Variants in NEMF observed in about 807,000 individuals in gnomAD.
NEMF encodes the protein ribosome quality control complex subunit NEMF.
A neutral mutation model predicts 162.2 loss-of-function variants in NEMF; 89 were observed. The ratio of observed to expected loss-of-function variants is 0.55; its 90% CI spans 0.46 to 0.65. The LOEUF (loss-of-function observed/expected upper bound fraction) is 0.65. NEMF is among the 30% of genes least tolerant of loss of function. The pLI, the probability that NEMF is intolerant of heterozygous loss-of-function variation, is 0.00. For missense variants in NEMF, 1,133 were observed against 1,261.9 expected (o/e 0.90, Z 1.55); for synonymous variants, 421 against 404.5 (o/e 1.04, Z -0.49).
At chr14:49,835,218 C>CA (rs55826615) in intron 6 of NEMF, among the ~76,000 whole-genome samples, 123,495 of 132,968 alleles carry the variant, frequency 0.93, 57,692 homozygotes, top group South Asian at 0.98. Context: ...ACCCCGCAAC[C>CA]AAAAAAAAAA....
chr14:49,782,124 A>G lies in NEMF; in HGVS notation c.*2512T>C. 2.2e-6 allele frequency: 1 copy of G among 457,876 alleles called. No individual in the cohort carries two copies. The highest frequency in any genetic ancestry group is 3.9e-6 in the Non-Finnish European group (1 of 259,700). The allele number at this position is 457,876 out of a possible 1,614,324, so 28.4% of individuals were successfully genotyped here. On this transcript the variant is annotated 3_prime_UTR_variant, in exon 33 of 33. Transcript: ENST00000298310. ...TTGCTAACAAAGACCTAGAGAACAGATCGTTCAGTTCAAACTCCTCATTGC... is the reference window on the plus strand; with the variant it reads ...TTGCTAACAAAGACCTAGAGAACAGGTCGTTCAGTTCAAACTCCTCATTGC...
chr14:49,807,904 G>C lies in NEMF; in HGVS notation c.1745-1771C>G, dbSNP rs572025836. Among the ~76,000 whole-genome samples, 14 of 151,896 alleles carry C rather than the reference G, an allele frequency of 9.2e-5. 1 individual carries two copies. The highest frequency in any genetic ancestry group is 8.8e-5 in the Non-Finnish European group (6 of 67,970). On this transcript the variant is annotated intron_variant, in intron 18 of 32. Transcript: ENST00000298310. ...CATGCATGAGCCACAGCGCCTGACT[G>C]GTATCTTGTGATTTTGATTTAAATT...
chr14:49,831,486 G>A lies in NEMF; in HGVS notation c.883-125C>T. ...AGAGTCTCACTCTGTTGCCCAGGCG[G>A]GACTGCAGTGGCGCGATCTAGGCTC... On this transcript the variant is annotated intron_variant, in intron 10 of 32. Coordinates refer to ENST00000298310, the MANE Select transcript of NEMF (RefSeq NM_004713.6). 3 of 633,342 alleles carry A rather than the reference G, an allele frequency of 4.7e-6. No individual in the cohort carries two copies. The South Asian group carries it at 5.5e-5, about 12-fold the overall frequency. 39.2% of individuals were successfully genotyped at this position (633,342 alleles called of 1,614,324 possible).
chr14:49,786,335 G>A (rs1890177122), intron 29 of NEMF: 1 of 180,308 alleles, frequency 5.5e-6, no homozygotes, highest in Non-Finnish European at 1.2e-5. Flanking sequence ...CTGCCTGTGA[G>A]ATTGCCCCCA....
At chr14:49,812,577 A>G (rs577385001) in intron 18 of NEMF, among the ~76,000 whole-genome samples, 4 of 152,146 alleles carry the variant, frequency 2.6e-5, no homozygotes, top group Non-Finnish European at 5.9e-5. Context: ...CTTGCATCTC[A>G]TAAGTTTTGA....
At chr14:49,833,551 C>T (rs182299787) in intron 7 of NEMF, 55 bp from the exon 8 acceptor site, 106 of 1,160,956 alleles carry the variant, frequency 9.1e-5, no homozygotes, top group Non-Finnish European at 1.3e-4. Flanking sequence ...GTCAATTAAC[C>T]GTGGCTAAAC....
rs1301091398 is a variant in NEMF, at chr14:49,828,507, A to C, written c.1424+109T>G. On this transcript the variant is annotated intron_variant, in intron 14 of 32. Coordinates refer to ENST00000298310, the MANE Select transcript of NEMF (RefSeq NM_004713.6). The stretch of plus-strand genomic sequence containing the variant: ...TAAATTTAAAAAAGTATTTTCACCC[A>C]AAAAAAGTATGCATGTACAAGTGAA... 5 of 1,025,126 alleles carry C rather than the reference A, an allele frequency of 4.9e-6. No individual in the cohort carries two copies. In the Admixed American group the frequency reaches 1.1e-4, roughly 23 times the overall value. 63.5% of individuals were successfully genotyped at this position (1,025,126 alleles called of 1,614,324 possible).
At chr14:49,848,417 T>C (rs1240209694) in intron 3 of NEMF, among the ~76,000 whole-genome samples, 1 of 152,190 alleles carries the variant, frequency 6.6e-6, no homozygotes. Flanking sequence ...TGTACAAATA[T>C]TGAAGTATGA....
At chr14:49,812,524 A>G (rs1044342933) in intron 18 of NEMF, among the ~76,000 whole-genome samples, 3 of 152,152 alleles carry the variant, frequency 2.0e-5, no homozygotes, top group African/African-American at 7.2e-5. Flanking sequence ...CTTTTTAAAT[A>G]TAGGCATTTA....
chr14:49,803,416 AT>A, intron 19 of NEMF, 122 bp from the exon 20 acceptor site: 1 of 579,412 alleles, frequency 1.7e-6, no homozygotes, highest in Non-Finnish European at 2.9e-6. Flanking sequence ...AAAGTTTATA[AT>A]TTCGTACAAA....
rs375873208 is a variant in NEMF, at chr14:49,794,211, CCTT to C, written c.2619+1577_2619+1579del. On this transcript the variant is annotated intron_variant, in intron 26 of 32. Transcript: ENST00000298310. The stretch of plus-strand genomic sequence containing the variant: ...TTTACTACCTCATAGGGAAATCCCT[CCTT>C]ATTTCCTTAGCTATTCTCAAGCATT... 1.8e-3 allele frequency among the ~76,000 whole-genome samples: 269 copies of C among 152,182 alleles called. 1 individual carries two copies. The highest frequency in any genetic ancestry group is 5.5e-3 in the African/African-American group (230 of 41,530).
chr14:49,799,783 C>T, intron 23 of NEMF, 105 bp from the exon 24 acceptor site: 1 of 918,004 alleles, frequency 1.1e-6, no homozygotes, highest in South Asian at 1.7e-5. Flanking sequence ...GGCAATCCAA[C>T]AAATTTTCAA....
At chr14:49,796,220 T>C in intron 25 of NEMF, 1 of 518,020 alleles carries the variant, frequency 1.9e-6, no homozygotes, top group Non-Finnish European at 3.7e-6. Flanking sequence ...AGGCACATTT[T>C]GCCCCTGATC....
chr14:49,786,999 G>A (rs184924199), intron 28 of NEMF: 3 of 430,290 alleles, frequency 7.0e-6, no homozygotes, highest in Admixed American at 4.0e-5. Context: ...CTCTGAAGTA[G>A]AGGAGGTGGG....
rs1384686215 is a variant in NEMF, at chr14:49,784,144, T to G, written c.*492A>C. ...AGCATTTAACTGTCCACAAATACTT[T>G]AGGAAATCCTATCATAGTGTTTCCT... On this transcript the variant is annotated 3_prime_UTR_variant, in exon 33 of 33. Coordinates refer to ENST00000298310, the MANE Select transcript of NEMF (RefSeq NM_004713.6). 2.0e-5 allele frequency: 3 copies of G among 152,294 alleles called. No individual in the cohort carries two copies. Among genetic ancestry groups the G allele is most frequent in the Non-Finnish European group, 4.4e-5 (3 of 68,246 alleles). The allele number at this position is 152,294 out of a possible 1,614,324, so 9.4% of individuals were successfully genotyped here.
intron 26 of NEMF, among the ~76,000 whole-genome samples, chr14:49,792,741 G>A (rs1476560193): frequency 6.6e-6 from 1 of 152,148 alleles, no homozygotes. Flanking sequence ...AGCACTTTTG[G>A]ATAACAAGCA....
At chr14:49,841,364 C>T (rs1439809702) in intron 4 of NEMF, among the ~76,000 whole-genome samples, 2 of 151,578 alleles carry the variant, frequency 1.3e-5, no homozygotes, top group Admixed American at 6.6e-5. Context: ...CACCTGAGGT[C>T]GGGAGTTCAA....
At chr14:49,789,045 C>CT in intron 28 of NEMF, 101 bp downstream of exon 28, 1 of 846,980 alleles carries the variant, frequency 1.2e-6, no homozygotes, top group Non-Finnish European at 1.9e-6. Context: ...AATAGGGTTA[C>CT]TCACTTGTCT....
At chr14:49,813,365 A>G (rs1391157193) in intron 18 of NEMF, among the ~76,000 whole-genome samples, 1 of 152,184 alleles carries the variant, frequency 6.6e-6, no homozygotes, top group East Asian at 1.9e-4. Context: ...TAGGATACTC[A>G]ACCTGTATGG....
Sources: gnomAD v4.1 joint callset for allele counts (sites outside exome capture counted in the v4.1 genomes callset) on GRCh38, gnomAD v4.1.1 for gene constraint, MANE v1.5 for transcripts, NCBI Gene and HGNC (gene_info 2026-07-23, HGNC 2026-07-21) for gene names.